Variants in RNF130 observed in about 807,000 individuals in gnomAD.
RNF130 encodes ring finger protein 130, also known as E3 ubiquitin-protein ligase RNF130.
RNF130 carries 21 observed loss-of-function variants against 44.6 expected under a neutral mutation model. The ratio of observed to expected loss-of-function variants is 0.47; its 90% CI spans 0.33 to 0.68. RNF130 has a LOEUF of 0.68. RNF130 is among the 30% of genes least tolerant of loss of function. The probability of loss-of-function intolerance (pLI) is 0.02; values close to 1 mark genes in which losing one functional copy is unlikely to be tolerated. For missense variants in RNF130, 479 were observed against 560.6 expected, an observed-to-expected ratio of 0.85 and a Z score of 1.47; for synonymous variants, 214 against 210.4, an observed-to-expected ratio of 1.02 and a Z score of -0.15.
intron 7 of RNF130, among the ~76,000 whole-genome samples, chr5:179,933,280 C>CCAT (rs113083691): frequency 0.094 from 14,253 of 152,100 alleles, 2,224 homozygotes; most frequent in African/African-American, 0.32. Context: ...CAATTTATTA[C>CCAT]CTAGATGTAG....
At position 179,960,511 on chromosome 5, in the gene RNF130, C is replaced by T. The variant is rs1762301992; in HGVS notation, c.1244+2960G>A. Among the ~76,000 whole-genome samples, 3 of 152,166 alleles carry T rather than the reference C, an allele frequency of 2.0e-5. No individual in the cohort carries two copies. The South Asian group carries it at 6.2e-4, about 31-fold the overall frequency. ...GTGAGGAAGGGATGGGGGCTTGCAC[C>T]CCTTGTGGGGATCCTCCTTGTGTAG... On this transcript the variant is annotated intron_variant, in intron 8 of 8. Transcript: ENST00000521389.
chr5:179,938,838 C>T (rs1419788148), intron 7 of RNF130, among the ~76,000 whole-genome samples: 4 of 152,278 alleles, frequency 2.6e-5, no homozygotes, highest in South Asian at 2.1e-4. Flanking sequence ...AGCAGGCTGA[C>T]ACCACATGGC....
chr5:179,950,789 A>G (rs1238095073), downstream of RNF130, among the ~76,000 whole-genome samples: 1 of 152,202 alleles, frequency 6.6e-6, no homozygotes, highest in Non-Finnish European at 1.5e-5. Flanking sequence ...AAAGAGTAAC[A>G]CTGTCATTAA....
chr5:180,020,764 AG>A (rs1265928806), intron 2 of RNF130, among the ~76,000 whole-genome samples: 1 of 152,166 alleles, frequency 6.6e-6, no homozygotes, highest in African/African-American at 2.4e-5. Flanking sequence ...CAGAACAGAA[AG>A]CTTTCTTCCT....
At chr5:179,939,752 C>G (rs1040395216) in intron 7 of RNF130, 9 of 441,324 alleles carry the variant, frequency 2.0e-5, no homozygotes, top group Non-Finnish European at 3.1e-5. Flanking sequence ...AGAAAAACGA[C>G]CCCCTCCCTT....
Position 179,966,883 on chromosome 5 carries a change from C to A in RNF130, c.1073G>T (p.Arg358Leu), listed in dbSNP as rs762039749. Residue 358 changes from arginine (R) to leucine (L), a missense_variant, in exon 7 of 9, where the codon CGA becomes CTA. Physicochemically the swap from Arg to Leu is moderately radical, Grantham distance 102. Coordinates refer to ENST00000521389, the MANE Select transcript of RNF130 (RefSeq NM_018434.6). ...GDNSLGLEPLRTSGISPLPQD... is the reference protein window; with the variant it reads ...GDNSLGLEPLLTSGISPLPQD... ...AGGAAGAGGTGAGATCCCCGAAGTT[C>A]GAAGTGGCTCAAGGCCAAGGGAGTT... The A allele has an allele frequency of 1.2e-6, 2 of 1,614,194 alleles. No individual in the cohort carries two copies. The highest frequency in any genetic ancestry group is 1.7e-6 in the Non-Finnish European group (2 of 1,180,040).
chr5:179,955,044 A>G (rs1404684123), downstream of RNF130: 1 of 152,242 alleles, frequency 6.6e-6, no homozygotes. Context: ...TGTGGTTTGG[A>G]AAATCATTTT....
chr5:180,059,094 TCTA>T (rs1764908404), intron 1 of RNF130, among the ~76,000 whole-genome samples: 1 of 152,192 alleles, frequency 6.6e-6, no homozygotes, highest in Admixed American at 6.5e-5. Flanking sequence ...CTTTTTCAAC[TCTA>T]CTGTGCCCCA....
chr5:179,960,524 C>G (rs1325086774), intron 8 of RNF130, among the ~76,000 whole-genome samples: 1 of 152,198 alleles, frequency 6.6e-6, no homozygotes, highest in Non-Finnish European at 1.5e-5. Flanking sequence ...TTGTGGGGAT[C>G]CTCCTTGTGT....
In RNF130 at chr5:179,970,457, T is replaced by C; in HGVS notation, c.898A>G (p.Thr300Ala). 6.2e-7 allele frequency: 1 copy of C among 1,613,758 alleles called. No homozygotes were observed. Among genetic ancestry groups the C allele is most frequent in the Non-Finnish European group, 8.5e-7 (1 of 1,179,824 alleles). Residue 300 changes from threonine to alanine, a missense_variant, in exon 6 of 9, where the codon ACC (threonine) becomes GCC (alanine). Thr to Ala is a moderately conservative substitution (Grantham distance 58, BLOSUM62 0). Coordinates refer to ENST00000521389, the MANE Select transcript of RNF130 (RefSeq NM_018434.6). ...CVDPWLSEHC[T>A]CPMCKLNILK... ...ATATTAAGTTTGCACATAGGACAGGTACAATGTTCACTAAGCCAGGGATCC... is the reference window on the plus strand; with the variant it reads ...ATATTAAGTTTGCACATAGGACAGGCACAATGTTCACTAAGCCAGGGATCC...
At chr5:179,941,156 G>A (rs556788160) in intron 7 of RNF130, among the ~76,000 whole-genome samples, 1 of 152,056 alleles carries the variant, frequency 6.6e-6, no homozygotes, top group Non-Finnish European at 1.5e-5. Flanking sequence ...TCTGTTCTTT[G>A]TTTTTTCTCC....
intron 3 of RNF130, among the ~76,000 whole-genome samples, chr5:180,010,964 A>G (rs1053800657): frequency 6.6e-6 from 1 of 152,196 alleles, no homozygotes; most frequent in African/African-American, 2.4e-5. Flanking sequence ...ATCCATGCCA[A>G]TTTCCAGGTT....
intron 3 of RNF130, among the ~76,000 whole-genome samples, chr5:179,996,058 C>T (rs1763190330): frequency 6.6e-6 from 1 of 152,278 alleles, no homozygotes; most frequent in African/African-American, 2.4e-5. Flanking sequence ...TCTGATAGTA[C>T]TGTCATTTTC....
intron 4 of RNF130, among the ~76,000 whole-genome samples, chr5:179,978,644 G>GT (rs1289966487): frequency 1.3e-5 from 2 of 152,064 alleles, no homozygotes; most frequent in South Asian, 2.1e-4. Flanking sequence ...TCACTGCTAT[G>GT]TTTGACACAG....
chr5:179,972,117 C>A (rs902130679), intron 5 of RNF130, among the ~76,000 whole-genome samples: 1 of 152,200 alleles, frequency 6.6e-6, no homozygotes, highest in Non-Finnish European at 1.5e-5. Context: ...TCTTGTTACT[C>A]GTAGCCTCTG....
chr5:180,038,368 T>A (rs909229267), intron 2 of RNF130, among the ~76,000 whole-genome samples: 1 of 150,282 alleles, frequency 6.7e-6, no homozygotes, highest in East Asian at 1.9e-4. Context: ...GCAACAGAGT[T>A]AGACCCTGTC....
intron 7 of RNF130, among the ~76,000 whole-genome samples, chr5:179,946,905 C>T (rs1016602410): frequency 6.6e-5 from 10 of 152,144 alleles, no homozygotes; most frequent in Non-Finnish European, 1.3e-4. Flanking sequence ...TCTTTAGCCT[C>T]GGGCTGATCT....
downstream of RNF130, among the ~76,000 whole-genome samples, chr5:179,953,181 G>A (rs1373600604): frequency 2.0e-5 from 3 of 152,136 alleles, no homozygotes; most frequent in African/African-American, 7.2e-5. Flanking sequence ...ATTAATCATA[G>A]TTCTACAGAA....
intron 3 of RNF130, among the ~76,000 whole-genome samples, chr5:179,984,382 C>T (rs533615470): frequency 2.1e-4 from 32 of 152,202 alleles, no homozygotes; most frequent in African/African-American, 7.2e-4. Context: ...AGAATTTAGT[C>T]GTTCACCATT....
Sources: gnomAD v4.1 joint callset for allele counts (sites outside exome capture counted in the v4.1 genomes callset) on GRCh38, gnomAD v4.1.1 for gene constraint, MANE v1.5 for transcripts, NCBI Gene and HGNC (gene_info 2026-07-23, HGNC 2026-07-21) for gene names.